Variants in HDAC9 observed in about 807,000 individuals in gnomAD.
The protein encoded by HDAC9 is histone deacetylase 9.
HDAC9 carries 41 observed loss-of-function variants against 139.4 expected under a neutral mutation model. The ratio of observed to expected loss-of-function variants is 0.29; its 90% CI spans 0.23 to 0.38. The LOEUF (loss-of-function observed/expected upper bound fraction) is 0.38, where lower values mean the gene tolerates loss of function less well. HDAC9 is among the 10% of genes least tolerant of loss of function. The pLI is 1.00. For missense variants in HDAC9, 1,147 were observed against 1,297.0 expected (o/e 0.88, Z 1.78); for synonymous variants, 517 against 476.2 (o/e 1.09, Z -1.12).
At chr7:18,484,613 A>G (rs2128130352) in intron 1 of HDAC9, among the ~76,000 whole-genome samples, 2 of 152,280 alleles carry the variant, frequency 1.3e-5, no homozygotes, top group East Asian at 3.9e-4. Flanking sequence ...TAGCCCTTAG[A>G]ACCATTTAGC....
intron 2 of HDAC9, among the ~76,000 whole-genome samples, chr7:18,235,439 C>T (rs934707920): frequency 6.6e-6 from 1 of 152,212 alleles, no homozygotes; most frequent in South Asian, 2.1e-4. Context: ...TGTCACTGAA[C>T]ATGGGGTTAG....
intron 2 of HDAC9, among the ~76,000 whole-genome samples, chr7:18,172,967 C>A (rs935518356): frequency 4.6e-5 from 7 of 152,122 alleles, no homozygotes; most frequent in African/African-American, 7.2e-5. Context: ...TCTATTAGGT[C>A]TGCTTGGTGC....
rs71014394 is a variant in HDAC9, at chr7:18,618,726, GTATATATATATATATATA to G, written c.665-10606_665-10589del. Among the ~76,000 whole-genome samples the G allele has an allele frequency of 6.0e-4, 72 of 120,052 alleles. 1 individual carries two copies. Among genetic ancestry groups the G allele is most frequent in the Non-Finnish European group, 6.9e-4 (39 of 56,286 alleles). 78.8% of individuals were successfully genotyped at this position (120,052 alleles called of 152,430 possible). A position where few individuals can be genotyped will look rare whatever the true frequency, so the allele number is the denominator to read the frequency against. On this transcript the variant is annotated intron_variant, in intron 6 of 25. Transcript: ENST00000686413. ...AAAGATATATCTAGTACAGAATTTTGTATATATATATATATATATATATATATATATATATGTAGGAAT... is the reference window on the plus strand; with the variant it reads ...AAAGATATATCTAGTACAGAATTTTGTATATATATATATATATGTAGGAAT...
intron 24 of HDAC9, among the ~76,000 whole-genome samples, chr7:18,959,719 G>T (rs1272385100): frequency 6.6e-6 from 1 of 152,146 alleles, no homozygotes; most frequent in Admixed American, 6.6e-5. Context: ...CAACAAAGTG[G>T]CAAATAGGCA....
At chr7:18,427,613 CCTT>C (rs1790239314) in intron 1 of HDAC9, among the ~76,000 whole-genome samples, 1 of 151,812 alleles carries the variant, frequency 6.6e-6, no homozygotes, top group African/African-American at 2.4e-5. Context: ...ATTACAGTAA[CCTT>C]CTCATTGATC....
At chr7:18,899,627 C>T (rs2129278773) in intron 22 of HDAC9, among the ~76,000 whole-genome samples, 1 of 152,038 alleles carries the variant, frequency 6.6e-6, no homozygotes, top group African/African-American at 2.4e-5. Context: ...TGGTGGTTAG[C>T]TTACCTTATA....
At chr7:18,521,145 C>T (rs1804897414) in intron 2 of HDAC9, among the ~76,000 whole-genome samples, 1 of 152,124 alleles carries the variant, frequency 6.6e-6, no homozygotes, top group South Asian at 2.1e-4. Context: ...TAGGAAAGAA[C>T]AGGCTTTTAA....
chr7:18,184,164 T>C (rs1337685137), intron 2 of HDAC9, among the ~76,000 whole-genome samples: 1 of 152,166 alleles, frequency 6.6e-6, no homozygotes, highest in African/African-American at 2.4e-5. Flanking sequence ...TTTGGGAGGC[T>C]GAGGCAGGCA....
chr7:18,490,627 A>G (rs1796294653), intron 1 of HDAC9, among the ~76,000 whole-genome samples: 1 of 151,974 alleles, frequency 6.6e-6, no homozygotes, highest in African/African-American at 2.4e-5. Context: ...ATTCACATAG[A>G]ATTGATGATG....
rs532069796 is a variant in HDAC9 at position 18,530,441 on chromosome 7, A to G, written c.22+34117A>G. 2.0e-5 allele frequency among the ~76,000 whole-genome samples: 3 copies of G among 152,294 alleles called. No homozygotes were observed. In the South Asian group the frequency reaches 6.2e-4, roughly 32 times the overall value. Reference sequence around the variant, plus strand: ...ATGTTCAATGGTGTTGAACAAAAAAAAAATGCACCCTTGCTAAAGCTACTT... The same window carrying G: ...ATGTTCAATGGTGTTGAACAAAAAAGAAATGCACCCTTGCTAAAGCTACTT... On this transcript the variant is annotated intron_variant, in intron 2 of 25. Coordinates refer to ENST00000686413, the MANE Select transcript of HDAC9 (RefSeq NM_178425.4).
chr7:18,202,383 A>AT (rs1010296454), intron 2 of HDAC9, among the ~76,000 whole-genome samples: 76 of 151,624 alleles, frequency 5.0e-4, no homozygotes, highest in African/African-American at 1.3e-3. Flanking sequence ...ATATTAAGGG[A>AT]TTTTTTTTTC....
At chr7:18,880,826 G>C (rs1188018203) in intron 22 of HDAC9, among the ~76,000 whole-genome samples, 85 of 107,950 alleles carry the variant, frequency 7.9e-4, no homozygotes, top group Non-Finnish European at 9.5e-5. Context: ...ATTTAAAAAA[G>C]AATAGTTAAT....
chr7:18,499,859 A>G (rs71524242), intron 2 of HDAC9, among the ~76,000 whole-genome samples: 2,717 of 152,224 alleles, frequency 0.018, 33 homozygotes, highest in Non-Finnish European at 0.029. Context: ...TCCTTAGTGT[A>G]TGGTGTTGAG....
At chr7:18,320,812 G>T (rs1291328601) in intron 1 of HDAC9, among the ~76,000 whole-genome samples, 2 of 152,138 alleles carry the variant, frequency 1.3e-5, no homozygotes, top group Non-Finnish European at 2.9e-5. Flanking sequence ...TGGGCCGGGG[G>T]TAGACCCTAT....
At chr7:18,969,661 C>A (rs1784120907) in intron 24 of HDAC9, among the ~76,000 whole-genome samples, 1 of 151,780 alleles carries the variant, frequency 6.6e-6, no homozygotes. Context: ...AAAAACCATG[C>A]AAATTGACAT....
intron 2 of HDAC9, among the ~76,000 whole-genome samples, chr7:18,535,958 G>A (rs916367284): frequency 6.6e-6 from 1 of 152,154 alleles, no homozygotes; most frequent in Non-Finnish European, 1.5e-5. Flanking sequence ...TGTAGGAGAA[G>A]CTGTAGATGC....
chr7:18,477,302 G>A (rs1795185750), intron 1 of HDAC9, among the ~76,000 whole-genome samples: 1 of 152,114 alleles, frequency 6.6e-6, no homozygotes, highest in Non-Finnish European at 1.5e-5. Flanking sequence ...TAGCCTTTGA[G>A]ACCTTACTTG....
At chr7:18,253,462 G>A (rs1396044907) in intron 2 of HDAC9, among the ~76,000 whole-genome samples, 1 of 152,014 alleles carries the variant, frequency 6.6e-6, no homozygotes, top group African/African-American at 2.4e-5. Context: ...GTATGAGATG[G>A]TATCTCATTG....
chr7:18,738,733 G>T (rs1787163279), intron 13 of HDAC9, among the ~76,000 whole-genome samples: 1 of 152,102 alleles, frequency 6.6e-6, no homozygotes, highest in Non-Finnish European at 1.5e-5. Context: ...TGATGATTAT[G>T]TGTCTTGGGG....
Sources: gnomAD v4.1 joint callset for allele counts (sites outside exome capture counted in the v4.1 genomes callset) on GRCh38, gnomAD v4.1.1 for gene constraint, MANE v1.5 for transcripts, NCBI Gene and HGNC (gene_info 2026-07-23, HGNC 2026-07-21) for gene names.